STK31: variants seen among roughly 807,000 people sequenced by gnomAD.
The protein encoded by STK31 is serine/threonine kinase 31.
Under a neutral mutation model 129.7 loss-of-function variants are expected in STK31, and 89 were observed. That is an observed-to-expected ratio of 0.69 (90% CI 0.58 to 0.82). The LOEUF (loss-of-function observed/expected upper bound fraction) is 0.82, where lower values mean the gene tolerates loss of function less well. Among genes scored for constraint, STK31 ranks in the 40% least tolerant of loss-of-function variants. The pLI is 0.00. For synonymous variants in STK31, 448 were observed against 395.3 expected (o/e 1.13, Z -1.58); for missense variants, 1,187 against 1,176.4 (o/e 1.01, Z -0.13).
At chr7:23,831,114 T>C (rs1794518032) in intron 23 of STK31, among the ~76,000 whole-genome samples, 1 of 152,204 alleles carries the variant, frequency 6.6e-6, no homozygotes, top group Admixed American at 6.5e-5. Context: ...TGCTGTTGGG[T>C]AAAGTGTTCT....
intron 4 of STK31, chr7:23,721,280 G>T (rs1352789639): frequency 3.5e-6 from 2 of 575,712 alleles, no homozygotes; most frequent in South Asian, 2.2e-5. Context: ...GGGAATTACT[G>T]GTGGCATTCT....
At chr7:23,815,770 C>T (rs1793433097) in intron 23 of STK31, among the ~76,000 whole-genome samples, 1 of 151,998 alleles carries the variant, frequency 6.6e-6, no homozygotes, top group South Asian at 2.1e-4. Context: ...ATTAAAATAT[C>T]TCATGTACTT....
At chr7:23,771,999 T>A in intron 14 of STK31, 148 bp from the exon 15 acceptor site, 1 of 507,068 alleles carries the variant, frequency 2.0e-6, no homozygotes, top group Non-Finnish European at 3.3e-6. Flanking sequence ...TCTATTGAAT[T>A]GTCTTGTTGA....
chr7:23,727,460 A>G, intron 5 of STK31, 145 bp downstream of exon 5: 1 of 646,832 alleles, frequency 1.5e-6, no homozygotes, highest in South Asian at 1.9e-5. Flanking sequence ...ATTAATTGCT[A>G]AAAAACATGT....
At chr7:23,727,881 T>C (rs1168950567) in intron 5 of STK31, among the ~76,000 whole-genome samples, 2 of 151,988 alleles carry the variant, frequency 1.3e-5, no homozygotes, top group African/African-American at 4.8e-5. Context: ...TTAATAATTA[T>C]ATTTGGTTCT....
At chr7:23,831,646 G>A (rs1450955865) in intron 23 of STK31, among the ~76,000 whole-genome samples, 2 of 152,134 alleles carry the variant, frequency 1.3e-5, no homozygotes, top group South Asian at 4.1e-4. Flanking sequence ...TGTATCTTTT[G>A]TTTCTTATTT....
At chr7:23,716,685 T>C (rs2128061983) in intron 3 of STK31, among the ~76,000 whole-genome samples, 1 of 152,228 alleles carries the variant, frequency 6.6e-6, no homozygotes, top group African/African-American at 2.4e-5. Flanking sequence ...TCCTATGCTA[T>C]CATAATTTAT....
At chr7:23,770,670 A>G (rs1001291902) in intron 13 of STK31, among the ~76,000 whole-genome samples, 1 of 152,036 alleles carries the variant, frequency 6.6e-6, no homozygotes, top group Non-Finnish European at 1.5e-5. Context: ...GCTGGAGTGC[A>G]TTGATGTGAT....
At chr7:23,798,243 C>T (rs1287503756) in intron 22 of STK31, among the ~76,000 whole-genome samples, 5 of 152,140 alleles carry the variant, frequency 3.3e-5, no homozygotes, top group Non-Finnish European at 4.4e-5. Context: ...CTCCCTAACT[C>T]ATTTTATGAG....
At chr7:23,793,537 A>G (rs564731999) in intron 22 of STK31, among the ~76,000 whole-genome samples, 2 of 152,366 alleles carry the variant, frequency 1.3e-5, no homozygotes, top group Admixed American at 1.3e-4. Context: ...CCTACAATCA[A>G]TACTAAGAAG....
chr7:23,805,718 C>T (rs911737059), intron 22 of STK31, among the ~76,000 whole-genome samples: 3 of 152,276 alleles, frequency 2.0e-5, no homozygotes, highest in African/African-American at 7.2e-5. Flanking sequence ...CTCCTGGGCT[C>T]AAGCAATTTG....
intron 22 of STK31, among the ~76,000 whole-genome samples, chr7:23,800,464 C>T (rs1792296319): frequency 1.3e-5 from 2 of 152,136 alleles, no homozygotes; most frequent in Admixed American, 6.5e-5. Context: ...CCATCATTCT[C>T]AGCAAACTAA....
chr7:23,737,677 A>AG (rs1365491356), intron 8 of STK31, among the ~76,000 whole-genome samples: 1 of 152,220 alleles, frequency 6.6e-6, no homozygotes, highest in Non-Finnish European at 1.5e-5. Flanking sequence ...TCAGGATCCC[A>AG]GTTAGGCACA....
intron 6 of STK31, among the ~76,000 whole-genome samples, chr7:23,730,876 A>ATTTTTTT (rs1490417846): frequency 1.3e-4 from 8 of 59,956 alleles, no homozygotes; most frequent in South Asian, 8.9e-4. Context: ...ATATATATAT[A>ATTTTTTT]TATTTTTTTT....
At chr7:23,805,057 ATTCT>A (rs1562618221) in intron 22 of STK31, among the ~76,000 whole-genome samples, 1 of 150,844 alleles carries the variant, frequency 6.6e-6, no homozygotes, top group Non-Finnish European at 1.5e-5. Flanking sequence ...TGAGTAAAAC[ATTCT>A]TTCTCATTTC....
intron 23 of STK31, among the ~76,000 whole-genome samples, chr7:23,828,423 G>A (rs77085115): frequency 3.7e-4 from 56 of 152,346 alleles, no homozygotes; most frequent in Non-Finnish European, 4.4e-4. Context: ...CTGGTGTGCC[G>A]TTTGTTAAGC....
chr7:23,826,043 G>T (rs1794128739), intron 23 of STK31, among the ~76,000 whole-genome samples: 2 of 152,172 alleles, frequency 1.3e-5, no homozygotes, highest in Admixed American at 1.3e-4. Flanking sequence ...TGGAATAGGT[G>T]TGGTGTGGTG....
rs776941075 is a variant in STK31, at chr7:23,832,157, C to T, written c.2851C>T (p.Leu951Phe). ...FHLDDKVKSL[L>F]CSLICYRSSM... is the part of the protein sequence containing the mutation. ...GCAGGATGATAAAGTCAAATCCCTC[C>T]TCTGTAGCTTGATATGTTATAGAAG... Residue 951 changes from leucine to phenylalanine, a missense_variant, in exon 24 of 24, where the codon CTC (leucine) becomes TTC (phenylalanine). Transcript: ENST00000355870. The T allele has an allele frequency of 1.2e-6, 2 of 1,613,712 alleles. No individual in the cohort carries two copies. Among genetic ancestry groups the T allele is most frequent in the South Asian group, 1.1e-5 (1 of 90,956 alleles).
chr7:23,743,799 T>C (rs1032681847), intron 8 of STK31, among the ~76,000 whole-genome samples: 4 of 152,094 alleles, frequency 2.6e-5, no homozygotes. Flanking sequence ...GTCTCATATG[T>C]CTTGTAGGCT....
Sources: allele counts gnomAD v4.1 joint callset (sites outside exome capture counted in the v4.1 genomes callset), GRCh38; gene constraint gnomAD v4.1.1; transcripts MANE v1.5; gene names NCBI Gene and HGNC (gene_info 2026-07-23, HGNC 2026-07-21).